NOX4: variants seen among roughly 807,000 people sequenced by gnomAD.
The protein encoded by NOX4 is NADPH oxidase 4.
A neutral mutation model predicts 87.6 loss-of-function variants in NOX4; 69 were observed. The observed-to-expected ratio is 0.79, with a 90% CI of 0.65 to 0.96. The LOEUF (loss-of-function observed/expected upper bound fraction) is 0.96, where lower values mean the gene tolerates loss of function less well. NOX4 is among the 40% of genes least tolerant of loss of function. The pLI is 0.00. For synonymous variants in NOX4, 275 were observed against 238.2 expected (o/e 1.15, Z -1.42); for missense variants, 680 against 681.5 (o/e 1.00, Z 0.02).
At chr11:89,423,319 T>C (rs544212853) in intron 7 of NOX4, among the ~76,000 whole-genome samples, 1 of 152,328 alleles carries the variant, frequency 6.6e-6, no homozygotes, top group South Asian at 2.1e-4. Context: ...TTATTTCATA[T>C]GTCTGTTACT....
At chr11:89,364,293 T>C (rs1591029057) in intron 12 of NOX4, among the ~76,000 whole-genome samples, 1 of 152,128 alleles carries the variant, frequency 6.6e-6, no homozygotes, top group South Asian at 2.1e-4. Flanking sequence ...TATGTTTACA[T>C]ACACACATAC....
At chr11:89,339,790 A>G (rs1404858488) in intron 15 of NOX4, among the ~76,000 whole-genome samples, 2 of 152,164 alleles carry the variant, frequency 1.3e-5, no homozygotes, top group African/African-American at 2.4e-5. Context: ...GAAACACCCT[A>G]TGTTAAAACA....
At chr11:89,456,001 T>C (rs1171438926) in intron 2 of NOX4, among the ~76,000 whole-genome samples, 1 of 152,024 alleles carries the variant, frequency 6.6e-6, no homozygotes, top group Middle Eastern at 3.2e-3. Context: ...ATATCTATTG[T>C]TTGATAGCAC....
chr11:89,502,215 G>T (rs564417020), upstream of NOX4, among the ~76,000 whole-genome samples: 6 of 152,090 alleles, frequency 3.9e-5, no homozygotes, highest in East Asian at 1.2e-3. Context: ...CCTATCCATT[G>T]TTATTAATTA....
At position 89,372,812 on chromosome 11, in the gene NOX4, T is replaced by A. The variant is rs111558324; in HGVS notation, c.1135+620A>T. On this transcript the variant is annotated intron_variant, in intron 12 of 17. Transcript: ENST00000263317. Reference sequence around the variant, plus strand: ...AACCAACTAACAAGCCAACATTTACTGAGTACTCACTTGTCAGTTACTCTG... The same window carrying A: ...AACCAACTAACAAGCCAACATTTACAGAGTACTCACTTGTCAGTTACTCTG... 3.7e-3 allele frequency among the ~76,000 whole-genome samples: 569 copies of A among 152,130 alleles called. 3 individuals are homozygous for A. Among genetic ancestry groups the A allele is most frequent in the African/African-American group, 0.013 (537 of 41,568 alleles).
chr11:89,559,967 T>C, the NOX4 span, among the ~76,000 whole-genome samples: 1 of 152,144 alleles, frequency 6.6e-6, no homozygotes, highest in Non-Finnish European at 1.5e-5. Flanking sequence ...TGCAGAAATA[T>C]ATGTTGAAGT....
At chr11:89,527,600 A>G in the NOX4 span, among the ~76,000 whole-genome samples, 1 of 152,200 alleles carries the variant, frequency 6.6e-6, no homozygotes, top group Non-Finnish European at 1.5e-5. Flanking sequence ...AAAGGGGCCA[A>G]CATATAGCTC....
At chr11:89,354,919 T>C in intron 13 of NOX4, 43 bp downstream of exon 13, 1 of 1,289,682 alleles carries the variant, frequency 7.8e-7, no homozygotes. Context: ...CCCAGCACTA[T>C]GCCCATTGCC....
chr11:89,508,625 G>A, the NOX4 span, among the ~76,000 whole-genome samples: 2 of 152,016 alleles, frequency 1.3e-5, no homozygotes, highest in African/African-American at 4.8e-5. Context: ...ATTTTTTGGA[G>A]AGGACGGATA....
At chr11:89,362,124 G>C (rs1938571070) in intron 12 of NOX4, among the ~76,000 whole-genome samples, 2 of 151,514 alleles carry the variant, frequency 1.3e-5, no homozygotes, top group South Asian at 2.1e-4. Context: ...TCTCTTTCCT[G>C]TCATGGGTAT....
intron 13 of NOX4, 80 bp from the exon 14 acceptor site, chr11:89,342,273 G>A: frequency 7.8e-7 from 1 of 1,278,962 alleles, no homozygotes; most frequent in Admixed American, 2.0e-5. Flanking sequence ...CAAACATGCT[G>A]AATGCAATCT....
intron 11 of NOX4, among the ~76,000 whole-genome samples, chr11:89,392,231 TATCTTC>T (rs1350986621): frequency 1.3e-5 from 2 of 152,170 alleles, no homozygotes; most frequent in African/African-American, 4.8e-5. Flanking sequence ...CCAACCTCTT[TATCTTC>T]ATCTCTTGCA....
intron 13 of NOX4, among the ~76,000 whole-genome samples, chr11:89,342,608 T>C (rs1309841592): frequency 1.3e-5 from 2 of 152,172 alleles, no homozygotes; most frequent in Non-Finnish European, 2.9e-5. Flanking sequence ...GCTAGATCAG[T>C]ACTGGAAATA....
At chr11:89,435,259 A>T (rs1239770741) in intron 6 of NOX4, among the ~76,000 whole-genome samples, 1 of 152,086 alleles carries the variant, frequency 6.6e-6, no homozygotes, top group African/African-American at 2.4e-5. Context: ...CATAGTGTGA[A>T]ATTATAGTTA....
chr11:89,490,313 G>A (rs769560434), intron 2 of NOX4, 145 bp downstream of exon 2: 29 of 620,104 alleles, frequency 4.7e-5, no homozygotes, highest in Middle Eastern at 8.2e-4. Flanking sequence ...GATAAATCAG[G>A]AAAATGTGAC....
the NOX4 span, among the ~76,000 whole-genome samples, chr11:89,506,517 T>C: frequency 6.6e-6 from 1 of 151,750 alleles, no homozygotes; most frequent in Non-Finnish European, 1.5e-5. Context: ...TTTGTAACCT[T>C]GAATTAGTCA....
At chr11:89,390,909 G>T (rs555613783) in intron 11 of NOX4, among the ~76,000 whole-genome samples, 2 of 152,194 alleles carry the variant, frequency 1.3e-5, no homozygotes, top group Admixed American at 6.5e-5. Context: ...TACTCCAAAT[G>T]AGAGCCACTT....
intron 4 of NOX4, among the ~76,000 whole-genome samples, chr11:89,445,356 C>A (rs56293318): frequency 0.16 from 24,020 of 151,750 alleles, 2,743 homozygotes; most frequent in African/African-American, 0.31. Context: ...CACACACACA[C>A]AAAAATAATG....
intron 12 of NOX4, among the ~76,000 whole-genome samples, chr11:89,357,164 C>T (rs934130085): frequency 1.3e-5 from 2 of 151,960 alleles, no homozygotes; most frequent in African/African-American, 4.8e-5. Context: ...TATATTTTAT[C>T]TTCATATTTA....
Sources: gnomAD v4.1 joint callset for allele counts (sites outside exome capture counted in the v4.1 genomes callset) on GRCh38, gnomAD v4.1.1 for gene constraint, MANE v1.5 for transcripts, NCBI Gene and HGNC (gene_info 2026-07-23, HGNC 2026-07-21) for gene names.